ADGRL3: variants seen among roughly 807,000 people sequenced by gnomAD.
The protein encoded by ADGRL3 is adhesion G protein-coupled receptor L3.
In ADGRL3, 62 loss-of-function variants were observed where a neutral mutation model predicts 153.5. The observed-to-expected ratio is 0.40, with a 90% CI of 0.33 to 0.50. The LOEUF (loss-of-function observed/expected upper bound fraction) is 0.50, where lower values mean the gene tolerates loss of function less well. Ranked by LOEUF, ADGRL3 falls within the 20% of genes least tolerant of loss-of-function variation. The pLI is 0.47. For synonymous variants in ADGRL3, 710 were observed against 672.5 expected (o/e 1.06, Z -0.86); for missense variants, 1,641 against 1,859.4 (o/e 0.88, Z 2.16).
At chr4:61,610,954 G>A (rs906454922) in intron 5 of ADGRL3, among the ~76,000 whole-genome samples, 1 of 151,510 alleles carries the variant, frequency 6.6e-6, no homozygotes, top group South Asian at 2.1e-4. Flanking sequence ...CTTAGGCATA[G>A]AGAAAATATT....
In ADGRL3 at chr4:61,344,458, C is replaced by A. The variant is rs1000673097; in HGVS notation, c.-239-38666C>A. ...AATTGTAATTCTGCAGCATATGAAT[C>A]CTTGAATAACGTCCCCTAAAAGGTC... On this transcript the variant is annotated intron_variant, in intron 1 of 26. Coordinates refer to ENST00000683033, the MANE Select transcript of ADGRL3 (RefSeq NM_001387552.1). 7.9e-5 allele frequency among the ~76,000 whole-genome samples: 12 copies of A among 152,166 alleles called. No homozygotes were observed. In the South Asian group the frequency reaches 2.3e-3, roughly 29 times the overall value.
intron 5 of ADGRL3, among the ~76,000 whole-genome samples, chr4:61,659,301 A>G (rs567447536): frequency 6.6e-6 from 1 of 152,292 alleles, no homozygotes; most frequent in East Asian, 1.9e-4. Context: ...TTTGAGGACT[A>G]CAATTCAACC....
intron 9 of ADGRL3, among the ~76,000 whole-genome samples, chr4:61,845,888 G>C (rs937630444): frequency 6.6e-6 from 1 of 152,020 alleles, no homozygotes; most frequent in African/African-American, 2.4e-5. Flanking sequence ...ATTCCTACTA[G>C]CAATTGCTTA....
chr4:61,890,795 GA>G lies in ADGRL3; in HGVS notation c.1481-1856del, dbSNP rs550751544. On this transcript the variant is annotated intron_variant, in intron 9 of 26. Coordinates refer to ENST00000683033, the MANE Select transcript of ADGRL3 (RefSeq NM_001387552.1). The stretch of plus-strand genomic sequence containing the variant: ...TCAAAAAAGATTTTTTTGTCAGCTG[GA>G]AAAATAGCACAAAATGTTCTTACAT... Among the ~76,000 whole-genome samples, 25 of 152,216 alleles carry G rather than the reference GA, an allele frequency of 1.6e-4. No individual in the cohort carries two copies. The East Asian group carries it at 4.8e-3, about 29-fold the overall frequency.
intron 19 of ADGRL3, among the ~76,000 whole-genome samples, chr4:61,985,946 CCCTAAAG>C (rs2099083961): frequency 6.8e-6 from 1 of 147,546 alleles, no homozygotes. Context: ...CTGAGGTTGT[CCCTAAAG>C]ATGTCTTAGG....
intron 2 of ADGRL3, among the ~76,000 whole-genome samples, chr4:61,447,988 C>T (rs2097607207): frequency 6.6e-6 from 1 of 152,078 alleles, no homozygotes; most frequent in Non-Finnish European, 1.5e-5. Flanking sequence ...GCAGTGCTGC[C>T]TATAGAAAGA....
chr4:61,949,842 A>G (rs2098940360), intron 17 of ADGRL3, among the ~76,000 whole-genome samples: 1 of 152,172 alleles, frequency 6.6e-6, no homozygotes, highest in Admixed American at 6.5e-5. Flanking sequence ...TAGCATTGGT[A>G]TTTTGCTTTG....
At chr4:61,583,335 A>T (rs938465711) in intron 4 of ADGRL3, among the ~76,000 whole-genome samples, 7 of 151,978 alleles carry the variant, frequency 4.6e-5, no homozygotes, top group Admixed American at 6.6e-5. Flanking sequence ...ACACAAGTTC[A>T]TCAAGGCCTT....
chr4:62,037,908 C>T (rs1487299250), intron 24 of ADGRL3, 52 bp downstream of exon 24: 3 of 1,603,080 alleles, frequency 1.9e-6, no homozygotes, highest in Non-Finnish European at 2.6e-6. Flanking sequence ...ATACCAGTTA[C>T]TGTCCCTTAT....
intron 5 of ADGRL3, among the ~76,000 whole-genome samples, chr4:61,602,374 G>A (rs187038499): frequency 2.0e-3 from 306 of 152,226 alleles, no homozygotes; most frequent in Non-Finnish European, 3.6e-3. Flanking sequence ...GCTCTCATCT[G>A]GGGGTAATTT....
chr4:61,768,849 C>T (rs1420734861), intron 8 of ADGRL3, among the ~76,000 whole-genome samples: 1 of 151,180 alleles, frequency 6.6e-6, no homozygotes, highest in African/African-American at 2.4e-5. Flanking sequence ...GGCTGGGACA[C>T]GGAAATAAGG....
chr4:61,251,600 T>C (rs2149445692), intron 1 of ADGRL3, among the ~76,000 whole-genome samples: 1 of 152,298 alleles, frequency 6.6e-6, no homozygotes, highest in Non-Finnish European at 1.5e-5. Context: ...GGAGTAAACA[T>C]GATTAACTTT....
intron 15 of ADGRL3, among the ~76,000 whole-genome samples, chr4:61,946,530 G>C (rs2098925260): frequency 1.3e-5 from 2 of 152,052 alleles, no homozygotes; most frequent in African/African-American, 4.8e-5. Flanking sequence ...TTTTGATAAA[G>C]TTTAGTATAT....
At chr4:61,746,378 C>T (rs1008101344) in intron 8 of ADGRL3, among the ~76,000 whole-genome samples, 5 of 152,162 alleles carry the variant, frequency 3.3e-5, no homozygotes, top group African/African-American at 1.2e-4. Context: ...CTACAGAACT[C>T]TCCACCCCAA....
chr4:61,647,013 T>C (rs1252987622), intron 5 of ADGRL3, among the ~76,000 whole-genome samples: 1 of 152,162 alleles, frequency 6.6e-6, no homozygotes, highest in African/African-American at 2.4e-5. Context: ...AAAAGCGCAG[T>C]CTTCGGGTGG....
At chr4:61,853,092 G>A (rs963197644) in intron 9 of ADGRL3, among the ~76,000 whole-genome samples, 5 of 151,686 alleles carry the variant, frequency 3.3e-5, no homozygotes, top group South Asian at 2.1e-4. Flanking sequence ...ATCTCGGGTC[G>A]CTGCAACCAC....
intron 2 of ADGRL3, among the ~76,000 whole-genome samples, chr4:61,405,652 C>G (rs1359563900): frequency 6.6e-6 from 1 of 151,452 alleles, no homozygotes; most frequent in African/African-American, 2.4e-5. Flanking sequence ...CTATGAGATA[C>G]AGTATTTTTT....
Position 61,900,872 on chromosome 4 carries a change from C to G in ADGRL3, c.1887+5038C>G, listed in dbSNP as rs186632786. Among the ~76,000 whole-genome samples, 4 of 152,298 alleles carry G rather than the reference C, an allele frequency of 2.6e-5. No homozygotes were observed. In the East Asian group the frequency reaches 5.8e-4, roughly 22 times the overall value. On this transcript the variant is annotated intron_variant, in intron 11 of 26. Coordinates refer to ENST00000683033, the MANE Select transcript of ADGRL3 (RefSeq NM_001387552.1). ...TTTTTATTGAAAGCCAACAAGTTGA[C>G]TCAGAGCCATGCCTCCTGAAACATA...
At chr4:62,032,279 T>C (rs1466375268) in intron 23 of ADGRL3, among the ~76,000 whole-genome samples, 2 of 151,364 alleles carry the variant, frequency 1.3e-5, no homozygotes, top group Admixed American at 1.3e-4. Flanking sequence ...ATAATATATA[T>C]ATATAAATTT....
Sources: gnomAD v4.1 joint callset for allele counts (sites outside exome capture counted in the v4.1 genomes callset) on GRCh38, gnomAD v4.1.1 for gene constraint, MANE v1.5 for transcripts, NCBI Gene and HGNC (gene_info 2026-07-23, HGNC 2026-07-21) for gene names.